Variants in SYT16 observed in about 807,000 individuals in gnomAD.
SYT16 encodes the protein synaptotagmin-16.
Under a neutral mutation model 61.4 loss-of-function variants are expected in SYT16, and 42 were observed. That is an observed-to-expected ratio of 0.68 (90% confidence interval 0.53 to 0.89). The LOEUF (loss-of-function observed/expected upper bound fraction) is 0.89. Ranked by LOEUF, SYT16 falls within the 40% of genes least tolerant of loss-of-function variation. SYT16 has a pLI of 0.00. For synonymous variants in SYT16, 314 were observed against 302.3 expected (o/e 1.04, Z -0.40); for missense variants, 804 against 807.3 (o/e 1.00, Z 0.05).
intron 1 of SYT16, among the ~76,000 whole-genome samples, chr14:61,838,855 G>T (rs965262700): frequency 3.3e-5 from 5 of 152,150 alleles, no homozygotes; most frequent in African/African-American, 1.2e-4. Context: ...GAATCATCAT[G>T]CCCCATTGTG....
At chr14:61,894,575 T>C (rs907875815) in intron 1 of SYT16, among the ~76,000 whole-genome samples, 6 of 152,182 alleles carry the variant, frequency 3.9e-5, no homozygotes, top group Admixed American at 3.9e-4. Flanking sequence ...TTGAAATTCA[T>C]AGGCTGTGAG....
chr14:61,842,676 C>T (rs1304737093), intron 1 of SYT16, among the ~76,000 whole-genome samples: 1 of 148,968 alleles, frequency 6.7e-6, no homozygotes, highest in Admixed American at 6.8e-5. Context: ...ATCGCAAGGA[C>T]AAAAAACCAA....
At chr14:62,013,409 C>A (rs1400921500) in intron 3 of SYT16, among the ~76,000 whole-genome samples, 3 of 152,124 alleles carry the variant, frequency 2.0e-5, no homozygotes, top group African/African-American at 7.2e-5. Context: ...AATTCCTGGG[C>A]ATTATGGTTT....
At chr14:61,947,267 C>CGTGTAT (rs2050478432) in intron 1 of SYT16, among the ~76,000 whole-genome samples, 1 of 125,844 alleles carries the variant, frequency 7.9e-6, no homozygotes, top group African/African-American at 2.9e-5. Flanking sequence ...TTTAGTCCTT[C>CGTGTAT]GTGTGTGTGT....
chr14:62,079,273 T>G, intron 5 of SYT16: 1 of 838,442 alleles, frequency 1.2e-6, no homozygotes, highest in South Asian at 2.2e-5. Flanking sequence ...CACGCATGAT[T>G]GCATGCTCAC....
At chr14:62,059,843 G>T (rs1333789777) in intron 3 of SYT16, among the ~76,000 whole-genome samples, 1 of 151,072 alleles carries the variant, frequency 6.6e-6, no homozygotes, top group African/African-American at 2.4e-5. Context: ...TTCACAAATA[G>T]ATACCCATAT....
At position 61,995,955 on chromosome 14, in the gene SYT16, C is replaced by A; in HGVS notation, c.-65C>A. Reference sequence around the variant, plus strand: ...TTCTCAACATGCTTATTCTATAGTTCACATTCAATCCAGAGCACTGAAGGA... The same window carrying A: ...TTCTCAACATGCTTATTCTATAGTTAACATTCAATCCAGAGCACTGAAGGA... On this transcript the variant is annotated 5_prime_UTR_variant, in exon 3 of 8. Coordinates refer to ENST00000683842, the MANE Select transcript of SYT16 (RefSeq NM_001367656.1). 6.9e-7 allele frequency: 1 copy of A among 1,458,980 alleles called. No individual in the cohort carries two copies. Among genetic ancestry groups the A allele is most frequent in the Non-Finnish European group, 9.2e-7 (1 of 1,086,380 alleles). 90.4% of individuals were successfully genotyped at this position (1,458,980 alleles called of 1,614,324 possible).
chr14:61,842,322 G>A (rs1594741640), intron 1 of SYT16, among the ~76,000 whole-genome samples: 1 of 152,138 alleles, frequency 6.6e-6, no homozygotes, highest in East Asian at 1.9e-4. Flanking sequence ...TTATCCTCCT[G>A]CCACTCTTCT....
intron 3 of SYT16, among the ~76,000 whole-genome samples, chr14:61,999,099 G>C (rs942724621): frequency 1.3e-5 from 2 of 151,566 alleles, no homozygotes; most frequent in African/African-American, 4.8e-5. Context: ...ATATTGGTCT[G>C]TAGTTTTCTT....
Position 62,107,898 on chromosome 14 carries a change from G to A in SYT16, c.*7191G>A, listed in dbSNP as rs982865641. The A allele has an allele frequency of 2.6e-5, 4 of 152,212 alleles. No individual in the cohort carries two copies. Among genetic ancestry groups the A allele is most frequent in the Non-Finnish European group, 1.5e-5 (1 of 68,036 alleles). 9.4% of individuals were successfully genotyped at this position (152,212 alleles called of 1,614,324 possible). On this transcript the variant is annotated 3_prime_UTR_variant, in exon 8 of 8. Transcript: ENST00000683842. ...CTGAATGCCCTTTGCAAGACAGTAA[G>A]TTAGATCCTGGAATGCTAGGTCTGT...
intron 1 of SYT16, among the ~76,000 whole-genome samples, chr14:61,919,364 T>A (rs1447029308): frequency 6.6e-6 from 1 of 152,230 alleles, no homozygotes; most frequent in Non-Finnish European, 1.5e-5. Flanking sequence ...ACAAACTTAG[T>A]GGTGCAAAGG....
chr14:61,935,922 C>A (rs1237083244), intron 1 of SYT16, among the ~76,000 whole-genome samples: 1 of 151,988 alleles, frequency 6.6e-6, no homozygotes, highest in Non-Finnish European at 1.5e-5. Context: ...GAGTAAAGGG[C>A]GCAAGTATTC....
At chr14:61,889,003 A>G (rs1213324234) in intron 1 of SYT16, among the ~76,000 whole-genome samples, 1 of 152,204 alleles carries the variant, frequency 6.6e-6, no homozygotes, top group Non-Finnish European at 1.5e-5. Context: ...CATAATAGTC[A>G]TTGCATAAAA....
At chr14:62,082,101 G>A (rs761085891) in intron 6 of SYT16, among the ~76,000 whole-genome samples, 10 of 152,142 alleles carry the variant, frequency 6.6e-5, no homozygotes, top group Non-Finnish European at 1.5e-4. Context: ...GTGATAAAAC[G>A]CCGGAACTCA....
chr14:61,915,069 T>C (rs2049068751), intron 1 of SYT16, among the ~76,000 whole-genome samples: 1 of 152,266 alleles, frequency 6.6e-6, no homozygotes, highest in African/African-American at 2.4e-5. Flanking sequence ...AACCCACTTA[T>C]TTTTTTCATG....
chr14:62,078,845 G>T (rs1432304222), intron 5 of SYT16, among the ~76,000 whole-genome samples: 1 of 152,188 alleles, frequency 6.6e-6, no homozygotes, highest in African/African-American at 2.4e-5. Context: ...GTGGGTAGAA[G>T]GTAAGACTTT....
intron 7 of SYT16, among the ~76,000 whole-genome samples, chr14:62,087,150 C>T (rs2056912861): frequency 1.3e-5 from 2 of 152,112 alleles, no homozygotes; most frequent in African/African-American, 4.8e-5. Context: ...TTTTAGTTCC[C>T]ATATGGAAGA....
Position 62,100,805 on chromosome 14 carries a change from AAC to A in SYT16, c.*100_*101del. 7.8e-7 allele frequency: 1 copy of A among 1,274,514 alleles called. No homozygotes were observed. The highest frequency in any genetic ancestry group is 1.5e-5 in the South Asian group (1 of 65,426). 79.0% of individuals were successfully genotyped at this position (1,274,514 alleles called of 1,614,324 possible). ...CTGGCAAGGGTTTCAGGGTTTCAAA[AAC>A]AGATTCCACTAACCCCTAGGACATT... On this transcript the variant is annotated 3_prime_UTR_variant, in exon 8 of 8. Transcript: ENST00000683842.
At chr14:61,832,697 C>T (rs2045979626) in intron 1 of SYT16, among the ~76,000 whole-genome samples, 1 of 152,188 alleles carries the variant, frequency 6.6e-6, no homozygotes. Flanking sequence ...CTCGGCCTCT[C>T]AAGGTGTTAG....
Sources: allele counts gnomAD v4.1 joint callset (sites outside exome capture counted in the v4.1 genomes callset), GRCh38; gene constraint gnomAD v4.1.1; transcripts MANE v1.5; gene names NCBI Gene and HGNC (gene_info 2026-07-23, HGNC 2026-07-21).